SLC6A6: variants seen among roughly 807,000 people sequenced by gnomAD.
The protein encoded by SLC6A6 is solute carrier family 6 member 6.
SLC6A6 carries 16 observed loss-of-function variants against 68.8 expected under a neutral mutation model. The observed-to-expected ratio is 0.23, with a 90% confidence interval of 0.16 to 0.35. The LOEUF (loss-of-function observed/expected upper bound fraction) is 0.35. Ranked by LOEUF, SLC6A6 falls within the 10% of genes least tolerant of loss-of-function variation. SLC6A6 has a pLI of 1.00. For missense variants in SLC6A6, 474 were observed against 802.8 expected (o/e 0.59, Z 4.95); for synonymous variants, 312 against 315.4 (o/e 0.99, Z 0.12).
chr3:14,414,606 A>G (rs1468656041), intron 1 of SLC6A6, among the ~76,000 whole-genome samples: 2 of 151,952 alleles, frequency 1.3e-5, no homozygotes, highest in African/African-American at 4.8e-5. Context: ...GCTCGCTGCA[A>G]CCTCAAACTT....
At chr3:14,438,741 C>T (rs1313575567) in intron 2 of SLC6A6, among the ~76,000 whole-genome samples, 2 of 152,192 alleles carry the variant, frequency 1.3e-5, no homozygotes, top group Admixed American at 1.3e-4. Flanking sequence ...AAATAGGAAA[C>T]AGACAAGGAC....
In SLC6A6 at chr3:14,487,300, C is replaced by G. The variant is rs951994347; in HGVS notation, c.*2293C>G. 6.5e-6 allele frequency: 1 copy of G among 152,788 alleles called. No individual in the cohort carries two copies. The highest frequency in any genetic ancestry group is 2.4e-5 in the African/African-American group (1 of 41,480). 9.5% of individuals were successfully genotyped at this position (152,788 alleles called of 1,614,324 possible). A position where few individuals can be genotyped will look rare whatever the true frequency, so the allele number is the denominator to read the frequency against. ...AGGCAGACCAAGTCCCCAGGCCCCGCCTGGAAGGAAGTCGTTCCTCAACTC... is the reference window on the plus strand; with the variant it reads ...AGGCAGACCAAGTCCCCAGGCCCCGGCTGGAAGGAAGTCGTTCCTCAACTC... On this transcript the variant is annotated 3_prime_UTR_variant, in exon 15 of 15. Transcript: ENST00000622186.
chr3:14,436,272 C>T (rs1186426008), intron 2 of SLC6A6, among the ~76,000 whole-genome samples: 1 of 152,170 alleles, frequency 6.6e-6, no homozygotes, highest in East Asian at 1.9e-4. Flanking sequence ...ATGATCACAA[C>T]TCACTGCAGC....
intron 2 of SLC6A6, among the ~76,000 whole-genome samples, chr3:14,435,623 C>T (rs1175375551): frequency 6.6e-6 from 1 of 152,220 alleles, no homozygotes; most frequent in Non-Finnish European, 1.5e-5. Context: ...CCAGCCTGGT[C>T]AGCATCTCCG....
intron 5 of SLC6A6, among the ~76,000 whole-genome samples, chr3:14,456,348 A>G (rs1408181396): frequency 6.6e-6 from 1 of 152,198 alleles, no homozygotes; most frequent in Admixed American, 6.5e-5. Flanking sequence ...TATTTCACGG[A>G]TCGGTCCTAC....
chr3:14,429,257 T>C (rs1012912362), intron 2 of SLC6A6, among the ~76,000 whole-genome samples: 2 of 152,236 alleles, frequency 1.3e-5, no homozygotes, highest in Admixed American at 1.3e-4. Flanking sequence ...TGGAGTAACC[T>C]TGGCCAGGTC....
Position 14,477,405 on chromosome 3 carries a change from T to A in SLC6A6, c.1347+63T>A. Reference sequence around the variant, plus strand: ...TCCAGTGCCCTCCTCAAGGCCATAGTGGAGGCAGCAGCTGGGTGAGAGGGC... The same window carrying A: ...TCCAGTGCCCTCCTCAAGGCCATAGAGGAGGCAGCAGCTGGGTGAGAGGGC... On this transcript the variant is annotated intron_variant, in intron 11 of 14. Coordinates refer to ENST00000622186, the MANE Select transcript of SLC6A6 (RefSeq NM_003043.6). This position sits in a 1 kb window ranked among gnomAD's most constrained non-coding sequence, Gnocchi z 4.2. 1 of 1,542,940 alleles carries A rather than the reference T, an allele frequency of 6.5e-7. No individual in the cohort carries two copies. The highest frequency in any genetic ancestry group is 8.9e-7 in the Non-Finnish European group (1 of 1,121,692).
At chr3:14,470,541 G>T (rs1345761341) in intron 9 of SLC6A6, among the ~76,000 whole-genome samples, 1 of 152,158 alleles carries the variant, frequency 6.6e-6, no homozygotes. Flanking sequence ...CTTGAGAAAG[G>T]CAAAACTAAA....
intron 2 of SLC6A6, among the ~76,000 whole-genome samples, chr3:14,418,918 C>T (rs1358749564): frequency 6.6e-6 from 1 of 152,198 alleles, no homozygotes; most frequent in Non-Finnish European, 1.5e-5. Context: ...AGGCTGGGAA[C>T]GGCCTCTGGG....
intron 1 of SLC6A6, among the ~76,000 whole-genome samples, chr3:14,413,261 C>T (rs1317710475): frequency 2.0e-5 from 3 of 152,214 alleles, no homozygotes; most frequent in East Asian, 3.9e-4. Flanking sequence ...TATTTAAATA[C>T]ATTCCAGGGA....
In SLC6A6 at chr3:14,487,414, A is replaced by G. The variant is rs559600362; in HGVS notation, c.*2407A>G. ...AGCATAGCTCTGCGAGTACCTGTGT[A>G]ATAATGCTCAACCTTCATGTCTCCG... On this transcript the variant is annotated 3_prime_UTR_variant, in exon 15 of 15. Coordinates refer to ENST00000622186, the MANE Select transcript of SLC6A6 (RefSeq NM_003043.6). The G allele has an allele frequency of 3.9e-5, 6 of 152,512 alleles. No homozygotes were observed. The highest frequency in any genetic ancestry group is 1.4e-4 in the African/African-American group (6 of 41,530). The allele number at this position is 152,512 out of a possible 1,614,324, so 9.4% of individuals were successfully genotyped here.
In SLC6A6 at chr3:14,450,857, C is replaced by T. The variant is rs1700236281; in HGVS notation, c.599+3041C>T. On this transcript the variant is annotated intron_variant, in intron 5 of 14. Transcript: ENST00000622186. The surrounding 1 kb of genome is among the most constrained non-coding windows in gnomAD (Gnocchi z 4.1). Reference sequence around the variant, plus strand: ...GTAGGGAATAGTTGACTCCTGTGAGCATAGTACTAGGAACTTGCCCCTGTC... The same window carrying T: ...GTAGGGAATAGTTGACTCCTGTGAGTATAGTACTAGGAACTTGCCCCTGTC... 6.6e-6 allele frequency among the ~76,000 whole-genome samples: 1 copy of T among 152,260 alleles called. No individual in the cohort carries two copies. Among genetic ancestry groups the T allele is most frequent in the South Asian group, 2.1e-4 (1 of 4,838 alleles).
At chr3:14,478,700 C>T in intron 12 of SLC6A6, 132 bp downstream of exon 12, 2 of 680,156 alleles carry the variant, frequency 2.9e-6, no homozygotes, top group Non-Finnish European at 5.3e-6. Context: ...ACCTAGACTA[C>T]ACAAATAATC....
intron 5 of SLC6A6, 139 bp downstream of exon 5, chr3:14,447,955 T>G: frequency 1.4e-6 from 2 of 1,460,450 alleles, no homozygotes; most frequent in Non-Finnish European, 1.8e-6. Context: ...GGAGATAAAT[T>G]TATGCCTTTG....
chr3:14,411,782 C>T (rs765919046), intron 1 of SLC6A6, among the ~76,000 whole-genome samples: 2 of 152,234 alleles, frequency 1.3e-5, no homozygotes, highest in Non-Finnish European at 2.9e-5. Context: ...TCCATCCATC[C>T]ATCTCACAAA....
chr3:14,446,889 C>T (rs1344200079), intron 4 of SLC6A6, among the ~76,000 whole-genome samples: 4 of 152,258 alleles, frequency 2.6e-5, no homozygotes, highest in East Asian at 3.9e-4. Context: ...TTGGCAGAGA[C>T]GGGAGCATAT....
rs546913519 is a variant in SLC6A6, at chr3:14,487,279, A to G, written c.*2272A>G. ...CAAATTCTAGACCAAAGACACAGGCAGACCAAGTCCCCAGGCCCCGCCTGG... is the reference window on the plus strand; with the variant it reads ...CAAATTCTAGACCAAAGACACAGGCGGACCAAGTCCCCAGGCCCCGCCTGG... On this transcript the variant is annotated 3_prime_UTR_variant, in exon 15 of 15. Transcript: ENST00000622186. 3.1e-3 allele frequency: 468 copies of G among 152,824 alleles called. 2 individuals are homozygous for G. Among genetic ancestry groups the G allele is most frequent in the Non-Finnish European group, 4.8e-3 (329 of 68,058 alleles). 9.5% of individuals were successfully genotyped at this position (152,824 alleles called of 1,614,324 possible).
rs535010390 is a variant in SLC6A6 at position 14,489,311 on chromosome 3, T to G, written c.*4304T>G. 79 of 152,642 alleles carry G rather than the reference T, an allele frequency of 5.2e-4. No individual in the cohort carries two copies. Among genetic ancestry groups the G allele is most frequent in the Non-Finnish European group, 9.7e-4 (66 of 68,046 alleles). 9.5% of individuals were successfully genotyped at this position (152,642 alleles called of 1,614,324 possible). ...TTTTTTAGAGGAGTTTGTAATCACCTTATAACATGAAAATAAACATTTCCT... is the reference window on the plus strand; with the variant it reads ...TTTTTTAGAGGAGTTTGTAATCACCGTATAACATGAAAATAAACATTTCCT... On this transcript the variant is annotated 3_prime_UTR_variant, in exon 15 of 15. Transcript: ENST00000622186.
rs1222131893 is a variant in SLC6A6 at position 14,472,285 on chromosome 3, A to C, written c.1177A>C (p.Ile393Leu). Residue 393 changes from isoleucine (I) to leucine (L), a missense_variant, in exon 10 of 15, where the codon ATT becomes CTT. Physicochemically the swap from Ile to Leu is conservative, Grantham distance 5 (BLOSUM62 2). This residue lies in a region of SLC6A6 where 280 missense variants were observed against 533.1 expected (regional missense o/e 0.53). Coordinates refer to ENST00000622186, the MANE Select transcript of SLC6A6 (RefSeq NM_003043.6). This position sits in a 1 kb window ranked among gnomAD's most constrained non-coding sequence, Gnocchi z 4.5. ...LPTFWSILFF[I>L]MLLLLGLDSQ... ...CACATTTTGGTCCATTCTTTTTTTT[A>C]TTATGCTTCTCTTGCTTGGACTGGA... The C allele has an allele frequency of 1.9e-6, 3 of 1,611,212 alleles. No individual in the cohort carries two copies. The highest frequency in any genetic ancestry group is 2.5e-6 in the Non-Finnish European group (3 of 1,177,854).
Sources: allele counts gnomAD v4.1 joint callset (sites outside exome capture counted in the v4.1 genomes callset), GRCh38; gene constraint gnomAD v4.1.1; regional missense constraint gnomAD v4.1.1; non-coding constraint Gnocchi (gnomAD v3.1); transcripts MANE v1.5; gene names NCBI Gene and HGNC (gene_info 2026-07-23, HGNC 2026-07-21).